Variants in PCDH11X observed in about 807,000 individuals in gnomAD.
The protein encoded by PCDH11X is protocadherin-11 X-linked.
PCDH11X carries 18 observed loss-of-function variants against 53.3 expected under a neutral mutation model. The ratio of observed to expected loss-of-function variants is 0.34; its 90% confidence interval spans 0.23 to 0.50. The LOEUF (loss-of-function observed/expected upper bound fraction) is 0.50. Among genes scored for constraint, PCDH11X ranks in the 20% least tolerant of loss-of-function variants. PCDH11X has a pLI of 0.98. For synonymous variants in PCDH11X, 279 were observed against 393.3 expected (o/e 0.71, Z 3.44); for missense variants, 570 against 1,032.4 (o/e 0.55, Z 6.14).
At chrX:92,480,888 G>A (rs1191759430) in intron 10 of PCDH11X, among the ~76,000 whole-genome samples, 23 of 111,313 alleles carry the variant, frequency 2.1e-4, no homozygotes, top group Admixed American at 6.7e-4. Context: ...CTGTGGCAGG[G>A]CACCTAGTGG....
chrX:92,258,079 A>T (rs953865068), intron 7 of PCDH11X, among the ~76,000 whole-genome samples: 3 of 111,428 alleles, frequency 2.7e-5, no homozygotes, highest in African/African-American at 9.8e-5. Flanking sequence ...CTGCAGGCTT[A>T]CCTCCATGTG....
chrX:92,278,408 G>A (rs2068159683), intron 8 of PCDH11X, among the ~76,000 whole-genome samples: 1 of 112,089 alleles, frequency 8.9e-6, no homozygotes, highest in African/African-American at 3.2e-5. Context: ...CTTTGTGTGA[G>A]CAACATGGCT....
At chrX:92,406,821 G>A (rs1404611234) in intron 9 of PCDH11X, among the ~76,000 whole-genome samples, 1 of 107,205 alleles carries the variant, frequency 9.3e-6, no homozygotes, top group Non-Finnish European at 1.9e-5. Flanking sequence ...CAGCTACTTG[G>A]GCAGCTGAGG....
At chrX:92,256,503 T>C (rs1166857207) in intron 7 of PCDH11X, among the ~76,000 whole-genome samples, 6 of 112,046 alleles carry the variant, frequency 5.4e-5, no homozygotes, top group Non-Finnish European at 1.1e-4. Flanking sequence ...CTTGCATTCC[T>C]GGTATAAATC....
At chrX:92,255,274 C>G (rs1039108753) in intron 7 of PCDH11X, among the ~76,000 whole-genome samples, 2 of 102,768 alleles carry the variant, frequency 1.9e-5, no homozygotes, top group Admixed American at 2.1e-4. Flanking sequence ...GTTCTCGAGC[C>G]TTGGTTTTCA....
At chrX:92,340,677 G>A (rs941513156) in intron 8 of PCDH11X, among the ~76,000 whole-genome samples, 5 of 112,188 alleles carry the variant, frequency 4.5e-5, no homozygotes, top group African/African-American at 1.6e-4. Context: ...GCAGGGCAGT[G>A]AGGCCCTGGT....
chrX:92,281,715 AT>A (rs1270217723), intron 8 of PCDH11X, among the ~76,000 whole-genome samples: 1 of 111,720 alleles, frequency 9.0e-6, no homozygotes, highest in Non-Finnish European at 1.9e-5. Context: ...TGAATTGTGG[AT>A]GTTGACATAC....
chrX:92,118,963 G>T lies in PCDH11X; in HGVS notation c.3034-82412G>T, dbSNP rs1466868763. 2.8e-5 allele frequency among the ~76,000 whole-genome samples: 3 copies of T among 108,932 alleles called. No homozygotes were observed. The Admixed American group carries it at 3.0e-4, about 11-fold the overall frequency. The allele number at this position is 108,932 out of a possible 115,157, so 94.6% of individuals were successfully genotyped here. On this transcript the variant is annotated intron_variant, in intron 6 of 10. Transcript: ENST00000682573. Reference sequence around the variant, plus strand: ...TCACCGTGTTAGCCAGGATGGTTTCGATCTCCTGACCTCGTGATCCGCCCT... The same window carrying T: ...TCACCGTGTTAGCCAGGATGGTTTCTATCTCCTGACCTCGTGATCCGCCCT...
At chrX:92,260,528 A>G (rs1443456998) in intron 7 of PCDH11X, among the ~76,000 whole-genome samples, 2 of 110,720 alleles carry the variant, frequency 1.8e-5, no homozygotes, top group African/African-American at 6.6e-5. Context: ...TGCCTCTTTC[A>G]GGGATACATA....
At chrX:92,428,653 T>C (rs2072181605) in intron 9 of PCDH11X, among the ~76,000 whole-genome samples, 1 of 111,468 alleles carries the variant, frequency 9.0e-6, no homozygotes, top group Non-Finnish European at 1.9e-5. Flanking sequence ...CTTGTACATT[T>C]ACTTACTTAT....
chrX:92,099,215 A>G (rs1458802612), intron 6 of PCDH11X, among the ~76,000 whole-genome samples: 94 of 109,337 alleles, frequency 8.6e-4, no homozygotes, highest in African/African-American at 3.1e-3. Context: ...TTTCATGTGT[A>G]TAGCTTTTTA....
At chrX:92,592,816 C>T (rs1289475093) in intron 10 of PCDH11X, among the ~76,000 whole-genome samples, 3 of 111,782 alleles carry the variant, frequency 2.7e-5, no homozygotes, top group Admixed American at 9.4e-5. Flanking sequence ...AAGGATTTTT[C>T]GTTGGAGAGC....
intron 8 of PCDH11X, among the ~76,000 whole-genome samples, chrX:92,313,137 G>A (rs1027676623): frequency 4.5e-5 from 5 of 111,575 alleles, no homozygotes; most frequent in Non-Finnish European, 9.4e-5. Flanking sequence ...GTAAAAAGCA[G>A]GGATAAAGAT....
At chrX:91,818,755 C>T (rs1936536812) in intron 4 of PCDH11X, among the ~76,000 whole-genome samples, 1 of 110,076 alleles carries the variant, frequency 9.1e-6, no homozygotes, top group South Asian at 3.9e-4. Flanking sequence ...TTTGGGGCTG[C>T]CTTAATGTGA....
intron 10 of PCDH11X, among the ~76,000 whole-genome samples, chrX:92,574,439 C>T (rs1473599400): frequency 3.0e-5 from 3 of 99,758 alleles, no homozygotes; most frequent in Non-Finnish European, 4.1e-5. Flanking sequence ...AGTTAATTAC[C>T]GTAGTTATTA....
chrX:92,484,214 TATG>T (rs1410975977), intron 10 of PCDH11X, among the ~76,000 whole-genome samples: 14 of 81,091 alleles, frequency 1.7e-4, no homozygotes, highest in African/African-American at 5.5e-4. Flanking sequence ...TATGTATATA[TATG>T]TATATATGTA....
intron 6 of PCDH11X, chrX:91,882,900 G>T (rs753447924): frequency 4.0e-5 from 48 of 1,185,707 alleles, no homozygotes; most frequent in Non-Finnish European, 5.1e-5. Flanking sequence ...TATTTTTCTT[G>T]TCCTAGACTG....
At position 92,272,784 on chromosome X, in the gene PCDH11X, T is replaced by G. The variant is rs2067987530; in HGVS notation, c.3144+9641T>G. ...AATCTAGTGCTTGGTGATGAAGGTA[T>G]CTAAAGGAATTGAGGTAGCACTTTG... On this transcript the variant is annotated intron_variant, in intron 8 of 10. Transcript: ENST00000682573. Among the ~76,000 whole-genome samples, 5 of 112,211 alleles carry G rather than the reference T, an allele frequency of 4.5e-5. No homozygotes were observed. In the Admixed American group the frequency reaches 4.8e-4, roughly 11 times the overall value.
intron 7 of PCDH11X, among the ~76,000 whole-genome samples, chrX:92,227,627 G>T: frequency 9.0e-6 from 1 of 111,141 alleles, no homozygotes; most frequent in Non-Finnish European, 1.9e-5. Context: ...AATTCAATTT[G>T]TTATATTTCT....
Sources: gnomAD v4.1 joint callset for allele counts (sites outside exome capture counted in the v4.1 genomes callset) on GRCh38, gnomAD v4.1.1 for gene constraint, MANE v1.5 for transcripts, NCBI Gene and HGNC (gene_info 2026-07-23, HGNC 2026-07-21) for gene names.